The following MTA3 variants were observed in gnomAD, a reference collection of about 807,000 sequenced individuals.
MTA3 encodes metastasis associated 1 family member 3, also known as metastasis-associated protein MTA3.
In MTA3, 34 loss-of-function variants were observed where a neutral mutation model predicts 83.5. The observed-to-expected ratio is 0.41, with a 90% CI of 0.31 to 0.54. MTA3 has a LOEUF of 0.54. Ranked by LOEUF, MTA3 falls within the 20% of genes least tolerant of loss-of-function variation. The pLI is 0.33. For synonymous variants in MTA3, 303 were observed against 252.7 expected (o/e 1.20, Z -1.89); for missense variants, 761 against 726.4 (o/e 1.05, Z -0.55).
At chr2:42,634,520 C>G (rs899322279) in intron 4 of MTA3, among the ~76,000 whole-genome samples, 1 of 152,188 alleles carries the variant, frequency 6.6e-6, no homozygotes, top group Non-Finnish European at 1.5e-5. Context: ...TGAGAACTCA[C>G]TATCATGAAA....
chr2:42,719,155 C>A (rs1454278055), intron 15 of MTA3, 81 bp downstream of exon 15: 3 of 1,023,046 alleles, frequency 2.9e-6, no homozygotes, highest in Admixed American at 2.1e-5. Context: ...AATGGACATA[C>A]CTAAACTAAT....
chr2:42,548,840 A>T (rs1161855863), intron 2 of MTA3, among the ~76,000 whole-genome samples: 1 of 12,572 alleles, frequency 8.0e-5, no homozygotes, highest in South Asian at 2.4e-3. Flanking sequence ...ATATATATAT[A>T]TATATAATAT....
intron 15 of MTA3, among the ~76,000 whole-genome samples, chr2:42,721,225 A>C (rs1399127153): frequency 1.3e-5 from 2 of 152,072 alleles, no homozygotes; most frequent in Non-Finnish European, 2.9e-5. Flanking sequence ...TGGGGAAAGC[A>C]AGCAGGTAAG....
chr2:42,599,346 G>A (rs537929716), intron 3 of MTA3, among the ~76,000 whole-genome samples: 5 of 152,118 alleles, frequency 3.3e-5, no homozygotes, highest in Non-Finnish European at 5.9e-5. Flanking sequence ...CCCAATCCCA[G>A]CACTTTGGGA....
intron 2 of MTA3, among the ~76,000 whole-genome samples, chr2:42,561,710 C>G (rs1218888442): frequency 6.6e-6 from 1 of 151,716 alleles, no homozygotes; most frequent in Non-Finnish European, 1.5e-5. Context: ...TTGACTGTTT[C>G]AAGGGATTGA....
At chr2:42,636,683 G>A (rs1687234576) in intron 4 of MTA3, among the ~76,000 whole-genome samples, 1 of 145,246 alleles carries the variant, frequency 6.9e-6, no homozygotes, top group African/African-American at 2.6e-5. Flanking sequence ...CTGGAGTGCA[G>A]TGGTGCGATC....
chr2:42,529,633 T>G (rs1003425170), intron 2 of MTA3, among the ~76,000 whole-genome samples: 6 of 152,226 alleles, frequency 3.9e-5, no homozygotes, highest in Non-Finnish European at 7.3e-5. Flanking sequence ...TGCAAGGCCC[T>G]AACTCTTGGC....
intron 9 of MTA3, among the ~76,000 whole-genome samples, chr2:42,691,622 C>A (rs1692908767): frequency 6.6e-6 from 1 of 152,088 alleles, no homozygotes; most frequent in Non-Finnish European, 1.5e-5. Flanking sequence ...GGTTTTGTAC[C>A]TTCAGATGAT....
At chr2:42,731,734 C>G (rs1326264402) in intron 16 of MTA3, among the ~76,000 whole-genome samples, 1 of 152,158 alleles carries the variant, frequency 6.6e-6, no homozygotes, top group Non-Finnish European at 1.5e-5. Context: ...TCATGCCTTC[C>G]CAACAGTCCC....
At chr2:42,522,816 T>TC (rs1675487077) in intron 2 of MTA3, among the ~76,000 whole-genome samples, 1 of 150,462 alleles carries the variant, frequency 6.6e-6, no homozygotes, top group African/African-American at 2.4e-5. Flanking sequence ...CTTTTTTTTT[T>TC]TTTTTTTTTT....
chr2:42,751,775 G>T (rs972068424), intron 16 of MTA3, among the ~76,000 whole-genome samples: 3 of 152,178 alleles, frequency 2.0e-5, no homozygotes, highest in African/African-American at 7.2e-5. Flanking sequence ...TTGATAGGTG[G>T]TTTAATTCCA....
At chr2:42,638,583 T>G (rs1464068245) in intron 4 of MTA3, among the ~76,000 whole-genome samples, 3 of 151,898 alleles carry the variant, frequency 2.0e-5, no homozygotes, top group Non-Finnish European at 2.9e-5. Flanking sequence ...TGTAGCCTGG[T>G]CTCAAACTCC....
chr2:42,644,174 A>G lies in MTA3; in HGVS notation c.429A>G (p.Leu143=), dbSNP rs201826986. ...SLVYDPSLKT[L]LADKGEIRVG... Reference sequence around the variant, plus strand: ...TCTATGACCCCTCATTGAAAACACTATTAGCTGACAAAGGTGAAATCAGAG... The same window carrying G: ...TCTATGACCCCTCATTGAAAACACTGTTAGCTGACAAAGGTGAAATCAGAG... Residue 143 remains leucine, a synonymous_variant, in exon 6 of 17, where the codon CTA becomes CTG. Transcript: ENST00000405094. The G allele has an allele frequency of 8.7e-5, 140 of 1,613,224 alleles. 1 individual carries two copies. The Admixed American group carries it at 1.8e-3, about 20-fold the overall frequency.
At chr2:42,604,519 C>G (rs1682984709) in intron 3 of MTA3, among the ~76,000 whole-genome samples, 1 of 150,288 alleles carries the variant, frequency 6.7e-6, no homozygotes, top group Non-Finnish European at 1.5e-5. Flanking sequence ...CTTGCTGCTG[C>G]TGAATTTAGT....
At chr2:42,572,671 C>A (rs540203441) in intron 2 of MTA3, among the ~76,000 whole-genome samples, 4 of 152,196 alleles carry the variant, frequency 2.6e-5, no homozygotes, top group African/African-American at 9.6e-5. Context: ...CCGAGATGGT[C>A]GTTTATTAGG....
Position 42,755,757 on chromosome 2 carries a change from A to C in MTA3, c.*2358A>C, listed in dbSNP as rs1670198311. On this transcript the variant is annotated 3_prime_UTR_variant, in exon 17 of 17. Transcript: ENST00000405094. ...GGCCATGGTGTCCCTGCTGTGTGTCAGTGGCATGTCACTGTGGTTCAGTGA... is the reference window on the plus strand; with the variant it reads ...GGCCATGGTGTCCCTGCTGTGTGTCCGTGGCATGTCACTGTGGTTCAGTGA... The C allele has an allele frequency of 1.0e-6, 1 of 985,440 alleles. No homozygotes were observed. Among genetic ancestry groups the C allele is most frequent in the African/African-American group, 1.7e-5 (1 of 57,226 alleles). The allele number at this position is 985,440 out of a possible 1,614,324, so 61.0% of individuals were successfully genotyped here.
chr2:42,573,826 C>T (rs1418851164), intron 2 of MTA3, among the ~76,000 whole-genome samples: 1 of 150,586 alleles, frequency 6.6e-6, no homozygotes, highest in East Asian at 2.0e-4. Context: ...TTCTTTCTTT[C>T]TTTCTTTTTT....
intron 4 of MTA3, among the ~76,000 whole-genome samples, chr2:42,611,619 C>T (rs866992284): frequency 2.6e-5 from 4 of 151,986 alleles, no homozygotes; most frequent in South Asian, 2.1e-4. Context: ...AGTTTGAGCC[C>T]AGCCTGGTCA....
intron 16 of MTA3, among the ~76,000 whole-genome samples, chr2:42,743,376 TC>T (rs941254363): frequency 1.3e-5 from 2 of 152,140 alleles, no homozygotes; most frequent in Non-Finnish European, 2.9e-5. Context: ...TTAACCTTTT[TC>T]CAAAATGACA....
Sources: allele counts gnomAD v4.1 joint callset (sites outside exome capture counted in the v4.1 genomes callset), GRCh38; gene constraint gnomAD v4.1.1; transcripts MANE v1.5; gene names NCBI Gene and HGNC (gene_info 2026-07-23, HGNC 2026-07-21).